MRPS34: variants seen among roughly 807,000 people sequenced by gnomAD.
The protein encoded by MRPS34 is mitochondrial ribosomal protein S34.
MRPS34 carries 12 observed loss-of-function variants against 13.3 expected under a neutral mutation model. The ratio of observed to expected loss-of-function variants is 0.90; its 90% CI spans 0.58 to 1.46. The LOEUF (loss-of-function observed/expected upper bound fraction) is 1.46, where lower values mean the gene tolerates loss of function less well. Among genes scored for constraint, MRPS34 ranks in the 40% most tolerant of loss-of-function variants. The pLI is 0.00. For synonymous variants in MRPS34, 181 were observed against 149.3 expected, an observed-to-expected ratio of 1.21 and a Z score of -1.55; for missense variants, 419 against 335.3, an observed-to-expected ratio of 1.25 and a Z score of -1.95.
chr16:1,772,840 A>G lies in MRPS34; in HGVS notation c.280T>C (p.Tyr94His), dbSNP rs752478974. Residue 94 changes from tyrosine (Y) to histidine (H), a missense_variant, in exon 1 of 3, where the codon TAC (tyrosine) becomes CAC (histidine). Physicochemically the swap from Tyr to His is moderately conservative, Grantham distance 83. Transcript: ENST00000397375. ...GGCCGCACCCGCGTGAGGCGCCAGT[A>G]GCACGGCTCGTCGTGCTGCCACAGC... ...SWLWQHDEPC[Y>H]WRLTRVRPDY... is the part of the protein sequence containing the mutation. 41 of 1,444,196 alleles carry G rather than the reference A, an allele frequency of 2.8e-5. No individual in the cohort carries two copies. The highest frequency in any genetic ancestry group is 1.4e-4 in the South Asian group (10 of 69,762). The allele number at this position is 1,444,196 out of a possible 1,614,324, so 89.5% of individuals were successfully genotyped here. A position where few individuals can be genotyped will look rare whatever the true frequency, so the allele number is the denominator to read the frequency against.
rs1312258142 is a variant in MRPS34 at position 1,772,781 on chromosome 16, C to G, written c.321+18G>C. The G allele has an allele frequency of 2.0e-6, 3 of 1,464,938 alleles. No individual in the cohort carries two copies. Among genetic ancestry groups the G allele is most frequent in the Admixed American group, 2.3e-5 (1 of 42,948 alleles). 90.7% of individuals were successfully genotyped at this position (1,464,938 alleles called of 1,614,324 possible). A position where few individuals can be genotyped will look rare whatever the true frequency, so the allele number is the denominator to read the frequency against. On this transcript the variant is annotated intron_variant, in intron 1 of 2. Coordinates refer to ENST00000397375, the MANE Select transcript of MRPS34 (RefSeq NM_023936.2). ...ACCAGGCGGCTGCAGGGGCGGGGTG[C>G]GGACGGGGTGCACGCACCTGCGCCG...
chr16:1,772,397 G>C lies in MRPS34; in HGVS notation c.481C>G (p.Leu161Val). 1 of 1,611,932 alleles carries C rather than the reference G, an allele frequency of 6.2e-7. No homozygotes were observed. The highest frequency in any genetic ancestry group is 8.5e-7 in the Non-Finnish European group (1 of 1,179,986). Residue 161 changes from leucine to valine, a missense_variant, in exon 3 of 3, where the codon CTG (leucine) becomes GTG (valine). Leu to Val is a conservative substitution (Grantham distance 32, BLOSUM62 1). Transcript: ENST00000397375. ...TAFTPAPEDS[L>V]ASVPYPPLLR... ...AGAGGCGGGTACGGCACGGAGGCCA[G>C]GCTGTCTTCCGGCGCCGGCGTGAAC... is the stretch of plus-strand genomic sequence containing the variant.
In MRPS34 at chr16:1,772,250, T is replaced by C. The variant is rs375232310; in HGVS notation, c.628A>G (p.Lys210Glu). The C allele has an allele frequency of 1.2e-5, 19 of 1,610,164 alleles. No individual in the cohort carries two copies. The African/African-American group carries it at 1.2e-4, about 10-fold the overall frequency. Residue 210 changes from lysine to glutamate, a missense_variant, in exon 3 of 3, where the codon AAA becomes GAA. By Grantham distance (56) the Lys-to-Glu change is moderately conservative (BLOSUM62 1). Transcript: ENST00000397375. ...ACGGGGGTGCCCTTGGCCCTTCCTT[T>C]GTCTTCCTGTTTTGCAGGGTAATCC... ...PWDYPAKQEDKGRAKGTPV is the reference protein window; with the variant it reads ...PWDYPAKQEDEGRAKGTPV
Position 1,772,770 on chromosome 16 carries a change from GGGGCGGGGTGC to G in MRPS34, c.321+18_321+28del, listed in dbSNP as rs1427575849. ...GAGGCGGGGAGACCAGGCGGCTGCA[GGGGCGGGGTGC>G]GGACGGGGTGCACGCACCTGCGCCG... On this transcript the variant is annotated intron_variant, in intron 1 of 2. Transcript: ENST00000397375. 1.3e-6 allele frequency: 2 copies of G among 1,499,726 alleles called. No homozygotes were observed. The highest frequency in any genetic ancestry group is 2.4e-5 in the East Asian group (1 of 41,046). 92.9% of individuals were successfully genotyped at this position (1,499,726 alleles called of 1,614,324 possible).
Position 1,773,043 on chromosome 16 carries a change from T to G in MRPS34, c.77A>C (p.Asn26Thr), listed in dbSNP as rs752492016. The change falls in exon 1 of 3, where the codon AAC (asparagine) becomes ACC (threonine). Residue 26 changes from asparagine (N) to threonine (T), a missense_variant. Coordinates refer to ENST00000397375, the MANE Select transcript of MRPS34 (RefSeq NM_023936.2). Reference sequence around the variant, plus strand: ...GTAGAGCTGGGAGTCGCGCGGCCTGTTCAGTTGCTCCCGCAGGGCGCGCAC... The same window carrying G: ...GTAGAGCTGGGAGTCGCGCGGCCTGGTCAGTTGCTCCCGCAGGGCGCGCAC... ...RRVRALREQL[N>T]RPRDSQLYAV... The G allele has an allele frequency of 2.6e-5, 37 of 1,431,236 alleles. No individual in the cohort carries two copies. Among genetic ancestry groups the G allele is most frequent in the Non-Finnish European group, 3.3e-5 (36 of 1,093,966 alleles). The allele number at this position is 1,431,236 out of a possible 1,614,324, so 88.7% of individuals were successfully genotyped here.
Position 1,772,192 on chromosome 16 carries a change from C to T in MRPS34, c.*29G>A, listed in dbSNP as rs2042627375. The T allele has an allele frequency of 1.3e-6, 2 of 1,591,142 alleles. No individual in the cohort carries two copies. Among genetic ancestry groups the T allele is most frequent in the Non-Finnish European group, 1.7e-6 (2 of 1,171,510 alleles). On this transcript the variant is annotated 3_prime_UTR_variant, in exon 3 of 3. Coordinates refer to ENST00000397375, the MANE Select transcript of MRPS34 (RefSeq NM_023936.2). ...AATAAGGTCCCCACTGCCTCACAGCCCCTAAGGCCACCCGCTGGTTCTGGC... is the reference window on the plus strand; with the variant it reads ...AATAAGGTCCCCACTGCCTCACAGCTCCTAAGGCCACCCGCTGGTTCTGGC...
At position 1,772,009 on chromosome 16, in the gene MRPS34, G is replaced by C. The variant is rs897266007; in HGVS notation, c.*212C>G. The C allele has an allele frequency of 1.7e-6, 1 of 601,810 alleles. No homozygotes were observed. Among genetic ancestry groups the C allele is most frequent in the South Asian group, 2.1e-5 (1 of 48,536 alleles). The allele number at this position is 601,810 out of a possible 1,614,324, so 37.3% of individuals were successfully genotyped here. On this transcript the variant is annotated 3_prime_UTR_variant, in exon 3 of 3. Transcript: ENST00000397375. Reference sequence around the variant, plus strand: ...GCTTTCCCCAGCGTGGGCCCTCGGAGTTGGGTGTGGGGGCAGCAGGGCCAG... The same window carrying C: ...GCTTTCCCCAGCGTGGGCCCTCGGACTTGGGTGTGGGGGCAGCAGGGCCAG...
chr16:1,773,055 C>A lies in MRPS34; in HGVS notation c.65G>T (p.Arg22Leu), dbSNP rs1308290832. ...AELARRVRALREQLNRPRDSQ... is the reference protein window; with the variant it reads ...AELARRVRALLEQLNRPRDSQ... ...GTCGCGCGGCCTGTTCAGTTGCTCC[C>A]GCAGGGCGCGCACGCGGCGGGCCAG... The change falls in exon 1 of 3, where the codon CGG becomes CTG. Residue 22 changes from arginine (R) to leucine (L), a missense_variant. Transcript: ENST00000397375. 1 of 1,421,152 alleles carries A rather than the reference C, an allele frequency of 7.0e-7. No homozygotes were observed. Among genetic ancestry groups the A allele is most frequent in the East Asian group, 2.8e-5 (1 of 35,270 alleles). 88.0% of individuals were successfully genotyped at this position (1,421,152 alleles called of 1,614,324 possible).
Position 1,772,587 on chromosome 16 carries a change from G to A in MRPS34, c.364+17C>T, listed in dbSNP as rs750359180. On this transcript the variant is annotated intron_variant, in intron 2 of 2. Transcript: ENST00000397375. ...GTCGGCATCGAACTGCCGGGCACCC[G>A]CTCTCCCGAGCCTTACCTTTGAAGG... 8.7e-6 allele frequency: 14 copies of A among 1,612,114 alleles called. No individual in the cohort carries two copies. In the East Asian group the frequency reaches 2.5e-4, roughly 28 times the overall value.
chr16:1,772,301 C>T lies in MRPS34; in HGVS notation c.577G>A (p.Val193Met), dbSNP rs1035904300. Residue 193 changes from valine to methionine, a missense_variant, in exon 3 of 3, where the codon GTG becomes ATG. Val to Met is a conservative substitution (Grantham distance 21). Transcript: ENST00000397375. ...DTSTEEPMLNVQRIRMEPWDY... is the reference protein window; with the variant it reads ...DTSTEEPMLNMQRIRMEPWDY... ...CAGGGTTCCATGCGTATCCTCTGCA[C>T]ATTCAGCATGGGCTCCTCGGTGCTT... 1 of 1,613,094 alleles carries T rather than the reference C, an allele frequency of 6.2e-7. No homozygotes were observed. Among genetic ancestry groups the T allele is most frequent in the Non-Finnish European group, 8.5e-7 (1 of 1,179,990 alleles).
chr16:1,772,670 GT>G (rs1188441928), intron 1 of MRPS34, 24 bp from the exon 2 acceptor site: 6 of 1,599,842 alleles, frequency 3.8e-6, no homozygotes, highest in Non-Finnish European at 5.1e-6. Context: ...AGGAAGCGGG[GT>G]CAGCTCGCAA....
chr16:1,772,805 C>T lies in MRPS34; in HGVS notation c.315G>A (p.Thr105=). ...GCGGACGGGGTGCACGCACCTGCGCCGTGTAGTCGGGCCGCACCCGCGTGA... is the reference window on the plus strand; with the variant it reads ...GCGGACGGGGTGCACGCACCTGCGCTGTGTAGTCGGGCCGCACCCGCGTGA... ...WRLTRVRPDY[T]AQNLDHGKAW... Residue 105 remains threonine (T), a synonymous_variant, in exon 1 of 3, where the codon ACG becomes ACA. Transcript: ENST00000397375. The T allele has an allele frequency of 1.6e-5, 20 of 1,283,508 alleles. No homozygotes were observed. Among genetic ancestry groups the T allele is most frequent in the Non-Finnish European group, 2.0e-5 (20 of 1,007,600 alleles). The allele number at this position is 1,283,508 out of a possible 1,614,324, so 79.5% of individuals were successfully genotyped here.
At position 1,773,092 on chromosome 16, in the gene MRPS34, G is replaced by C. The variant is rs755456304; in HGVS notation, c.28C>G (p.Leu10Val). MARKKVRPR[L>V]IAELARRVRA... is the part of the protein sequence containing the mutation. ...ACGCGGCGGGCCAGCTCCGCGATCA[G>C]CCGCGGACGCACCTTCTTCCGCGCC... is the stretch of plus-strand genomic sequence containing the variant. Residue 10 changes from leucine to valine, a missense_variant, in exon 1 of 3, where the codon CTG (leucine) becomes GTG (valine). Transcript: ENST00000397375. 6.4e-6 allele frequency: 9 copies of C among 1,405,142 alleles called. No individual in the cohort carries two copies. The African/African-American group carries it at 1.2e-4, about 19-fold the overall frequency. 87.0% of individuals were successfully genotyped at this position (1,405,142 alleles called of 1,614,324 possible). A position where few individuals can be genotyped will look rare whatever the true frequency, so the allele number is the denominator to read the frequency against.
rs910145219 is a variant in MRPS34, at chr16:1,772,136, C to A, written c.*85G>T. 7 of 1,366,062 alleles carry A rather than the reference C, an allele frequency of 5.1e-6. No individual in the cohort carries two copies. In the African/African-American group the frequency reaches 8.6e-5, roughly 17 times the overall value. 84.6% of individuals were successfully genotyped at this position (1,366,062 alleles called of 1,614,324 possible). ...AGCTCCCTGCTCCGAGAGGCAGACT[C>A]GGGTGTAACGCAAAGACGGTTTCTT... On this transcript the variant is annotated 3_prime_UTR_variant, in exon 3 of 3. Coordinates refer to ENST00000397375, the MANE Select transcript of MRPS34 (RefSeq NM_023936.2).
intron 1 of MRPS34, 29 bp downstream of exon 1, chr16:1,772,770 G>A (rs2006150): frequency 1.3e-6 from 2 of 1,499,612 alleles, no homozygotes; most frequent in African/African-American, 2.8e-5. Flanking sequence ...GGCGGCTGCA[G>A]GGGCGGGGTG....
Position 1,772,482 on chromosome 16 carries a change from T to C in MRPS34, c.396A>G (p.Glu132=). ...GCCGCCAGTCATGGTACATGACGTGTTCGATCTCCCGCGCCTCGCTCTCAG... is the reference window on the plus strand; with the variant it reads ...GCCGCCAGTCATGGTACATGACGTGCTCGATCTCCCGCGCCTCGCTCTCAG... ...GKTESEAREI[E]HVMYHDWRLV... Residue 132 remains glutamate, a synonymous_variant, in exon 3 of 3, where the codon GAA becomes GAG. Coordinates refer to ENST00000397375, the MANE Select transcript of MRPS34 (RefSeq NM_023936.2). 1 of 1,611,680 alleles carries C rather than the reference T, an allele frequency of 6.2e-7. No homozygotes were observed. The highest frequency in any genetic ancestry group is 2.2e-5 in the East Asian group (1 of 44,852).
chr16:1,772,762 C>A, intron 1 of MRPS34, 37 bp downstream of exon 1: 1 of 1,515,438 alleles, frequency 6.6e-7, no homozygotes. Flanking sequence ...GGAGACCAGG[C>A]GGCTGCAGGG....
rs1567224738 is a variant in MRPS34 at position 1,772,178 on chromosome 16, C to CA, written c.*42dup. 6.4e-7 allele frequency: 1 copy of CA among 1,568,100 alleles called. No homozygotes were observed. Among genetic ancestry groups the CA allele is most frequent in the African/African-American group, 1.4e-5 (1 of 73,898 alleles). ...CGGTTTCTTTCATCAATAAGGTCCC[C>CA]ACTGCCTCACAGCCCCTAAGGCCAC... On this transcript the variant is annotated 3_prime_UTR_variant, in exon 3 of 3. Transcript: ENST00000397375.
At chr16:1,772,761 G>A in intron 1 of MRPS34, 38 bp downstream of exon 1, 1 of 1,516,920 alleles carries the variant, frequency 6.6e-7, no homozygotes, top group Non-Finnish European at 8.8e-7. Context: ...GGGAGACCAG[G>A]CGGCTGCAGG....
Sources: allele counts gnomAD v4.1 joint callset, GRCh38; gene constraint gnomAD v4.1.1; transcripts MANE v1.5; gene names NCBI Gene and HGNC (gene_info 2026-07-23, HGNC 2026-07-21).